TTC39B: variants seen among roughly 807,000 people sequenced by gnomAD.
The protein encoded by TTC39B is tetratricopeptide repeat protein 39B.
A neutral mutation model predicts 96.6 loss-of-function variants in TTC39B; 92 were observed. That is an observed-to-expected ratio of 0.95 (90% confidence interval 0.80 to 1.13). The LOEUF (loss-of-function observed/expected upper bound fraction) is 1.13. Among genes scored for constraint, TTC39B ranks in the 50% most tolerant of loss-of-function variants. The pLI, the probability that TTC39B is intolerant of heterozygous loss-of-function variation, is 0.00. For missense variants in TTC39B, 955 were observed against 809.3 expected (o/e 1.18, Z -2.18); for synonymous variants, 367 against 299.4 (o/e 1.23, Z -2.33).
At chr9:15,246,283 A>G (rs1307967229) in intron 2 of TTC39B, among the ~76,000 whole-genome samples, 1 of 152,014 alleles carries the variant, frequency 6.6e-6, no homozygotes, top group African/African-American at 2.4e-5. Flanking sequence ...TAAATAAATC[A>G]CCAGAGTCAC....
chr9:15,188,646 A>T (rs761790347), intron 13 of TTC39B, among the ~76,000 whole-genome samples: 1 of 152,242 alleles, frequency 6.6e-6, no homozygotes, highest in African/African-American at 2.4e-5. Flanking sequence ...ATAAATTTGT[A>T]AACTAGGCAA....
At chr9:15,217,305 A>G (rs1389408235) in intron 3 of TTC39B, among the ~76,000 whole-genome samples, 4 of 152,126 alleles carry the variant, frequency 2.6e-5, no homozygotes, top group African/African-American at 7.2e-5. Flanking sequence ...ATCCTTCATT[A>G]CCAGGAAACA....
In TTC39B at chr9:15,190,978, G is replaced by A. The variant is rs375122498; in HGVS notation, c.996+212C>T. ...CACATAATTTTTCATCCAAGAATTT[G>A]GATAACAAGGGTGAACATTTTTAAC... On this transcript the variant is annotated intron_variant, in intron 10 of 19. Transcript: ENST00000512701. Among the ~76,000 whole-genome samples the A allele has an allele frequency of 1.0e-3, 156 of 152,126 alleles. 1 individual carries two copies. The highest frequency in any genetic ancestry group is 5.8e-3 in the South Asian group (28 of 4,814).
intron 1 of TTC39B, among the ~76,000 whole-genome samples, chr9:15,285,088 C>T (rs1237251): frequency 6.6e-6 from 1 of 151,826 alleles, no homozygotes; most frequent in Non-Finnish European, 1.5e-5. Context: ...GGTGAAACCC[C>T]GTCTCTACTC....
At chr9:15,223,948 C>T (rs1005811447) in intron 3 of TTC39B, among the ~76,000 whole-genome samples, 9 of 152,184 alleles carry the variant, frequency 5.9e-5, no homozygotes, top group Non-Finnish European at 8.8e-5. Flanking sequence ...ATTTCACCTC[C>T]ATTTCCTCTT....
chr9:15,296,284 C>T (rs1469795046), intron 1 of TTC39B, among the ~76,000 whole-genome samples: 1 of 152,182 alleles, frequency 6.6e-6, no homozygotes, highest in Non-Finnish European at 1.5e-5. Context: ...TACCCAAGTG[C>T]CTCTGACCTT....
chr9:15,169,827 G>A (rs947210856), exon 20 of TTC39B: 11 of 152,128 alleles, frequency 7.2e-5, no homozygotes, highest in Non-Finnish European at 1.6e-4. Context: ...GTTTAGTAAT[G>A]CAGAGTTAAA....
intron 3 of TTC39B, among the ~76,000 whole-genome samples, chr9:15,218,635 A>AAAAAAAAAAAT (rs374054306): frequency 7.4e-4 from 110 of 149,528 alleles, no homozygotes; most frequent in African/African-American, 2.6e-3. Flanking sequence ...GTCTATTTTA[A>AAAAAAAAAAAT]ATATATATAT....
intron 2 of TTC39B, among the ~76,000 whole-genome samples, chr9:15,247,614 C>T (rs1030531484): frequency 1.3e-5 from 2 of 152,116 alleles, no homozygotes; most frequent in Admixed American, 1.3e-4. Context: ...ATGTTTTCCA[C>T]GTTCCTTAAC....
In TTC39B at chr9:15,190,542, T is replaced by A; in HGVS notation, c.1105+12A>T. 2 of 1,606,696 alleles carry A rather than the reference T, an allele frequency of 1.2e-6. No homozygotes were observed. Among genetic ancestry groups the A allele is most frequent in the Non-Finnish European group, 1.7e-6 (2 of 1,173,304 alleles). ...ATCAATGTTCAATGAAACAATCTAA[T>A]CCAGATCTTACCAAGTATTAGGGAG... On this transcript the variant is annotated intron_variant, in intron 11 of 19. Coordinates refer to ENST00000512701, the Ensembl canonical transcript of TTC39B.
At chr9:15,225,149 T>C (rs1821053054) in intron 3 of TTC39B, among the ~76,000 whole-genome samples, 1 of 152,038 alleles carries the variant, frequency 6.6e-6, no homozygotes, top group South Asian at 2.1e-4. Context: ...GAACAAAAAT[T>C]AACCAAGTAT....
rs1817849962 is a variant in TTC39B at position 15,174,959 on chromosome 9, G to C, written c.1958+60C>G. 7.9e-6 allele frequency: 8 copies of C among 1,008,822 alleles called. 1 individual carries two copies. The highest frequency in any genetic ancestry group is 2.0e-4 in the Middle Eastern group (1 of 4,890). 62.5% of individuals were successfully genotyped at this position (1,008,822 alleles called of 1,614,324 possible). A position where few individuals can be genotyped will look rare whatever the true frequency, so the allele number is the denominator to read the frequency against. On this transcript the variant is annotated intron_variant, in intron 19 of 19. Transcript: ENST00000512701. ...GTATATAATGTTACTGCTGTTGTTA[G>C]AGCAGTACTGACATTTCTGACTCCA... is the stretch of plus-strand genomic sequence containing the variant.
chr9:15,218,076 C>A (rs1352176267), intron 3 of TTC39B, among the ~76,000 whole-genome samples: 1 of 151,012 alleles, frequency 6.6e-6, no homozygotes, highest in Non-Finnish European at 1.5e-5. Flanking sequence ...GGCATGGTGG[C>A]TCACACCTGT....
chr9:15,228,486 T>C (rs1821252155), intron 2 of TTC39B, among the ~76,000 whole-genome samples: 1 of 151,964 alleles, frequency 6.6e-6, no homozygotes. Flanking sequence ...ACAGTAATAA[T>C]GAATTGGGAG....
chr9:15,166,995 TATATATATATATATATATATATA>T (rs1817532724), exon 20 of TTC39B: 2 of 5,320 alleles, frequency 3.8e-4, no homozygotes, highest in South Asian at 6.9e-3. Flanking sequence ...TATATATATA[TATATATATATATATATATATATA>T]TATATATATA....
chr9:15,256,159 G>C (rs1275447769), intron 2 of TTC39B, among the ~76,000 whole-genome samples: 5 of 152,110 alleles, frequency 3.3e-5, no homozygotes, highest in Non-Finnish European at 5.9e-5. Context: ...GCTTGAGGGA[G>C]TCTCTTTGCC....
intron 1 of TTC39B, among the ~76,000 whole-genome samples, chr9:15,293,970 C>T (rs1824281419): frequency 2.0e-5 from 3 of 152,190 alleles, no homozygotes; most frequent in Admixed American, 2.0e-4. Context: ...CTTCTTCCAC[C>T]ACATGGCTGC....
chr9:15,303,780 C>T (rs553405294), intron 1 of TTC39B, among the ~76,000 whole-genome samples: 199 of 151,840 alleles, frequency 1.3e-3, no homozygotes, highest in Non-Finnish European at 1.9e-3. Flanking sequence ...TACAGGTGCC[C>T]GCCACCACGC....
chr9:15,288,184 T>C (rs932885055), intron 1 of TTC39B, among the ~76,000 whole-genome samples: 2 of 151,974 alleles, frequency 1.3e-5, no homozygotes, highest in Non-Finnish European at 2.9e-5. Flanking sequence ...AATACATCCA[T>C]ATGATATGGA....
Sources: allele counts gnomAD v4.1 joint callset (sites outside exome capture counted in the v4.1 genomes callset), GRCh38; gene constraint gnomAD v4.1.1; transcripts MANE v1.5; gene names NCBI Gene and HGNC (gene_info 2026-07-23, HGNC 2026-07-21).